Variants in CREB5 observed in about 807,000 individuals in gnomAD.
The protein encoded by CREB5 is cAMP responsive element binding protein 5.
In CREB5, 19 loss-of-function variants were observed where a neutral mutation model predicts 57.1. The ratio of observed to expected loss-of-function variants is 0.33; its 90% CI spans 0.23 to 0.49. The LOEUF (loss-of-function observed/expected upper bound fraction) is 0.49. CREB5 is among the 20% of genes least tolerant of loss of function. CREB5 has a pLI of 0.99. For synonymous variants in CREB5, 238 were observed against 238.3 expected, an observed-to-expected ratio of 1.00 and a Z score of 0.01; for missense variants, 579 against 671.6, an observed-to-expected ratio of 0.86 and a Z score of 1.52.
chr7:28,498,219 G>A (rs1425738076), intron 3 of CREB5, among the ~76,000 whole-genome samples: 1 of 151,910 alleles, frequency 6.6e-6, no homozygotes, highest in Non-Finnish European at 1.5e-5. Context: ...TAATATAGTA[G>A]CAACAATAAT....
intron 7 of CREB5, among the ~76,000 whole-genome samples, chr7:28,747,025 T>C (rs28405170): frequency 0.026 from 3,934 of 152,314 alleles, 67 homozygotes; most frequent in South Asian, 0.041. Flanking sequence ...AATATGGCTT[T>C]TCATACCTTA....
chr7:28,560,931 T>TGTGTGTGCATGC, intron 4 of CREB5, among the ~76,000 whole-genome samples: 1 of 48,532 alleles, frequency 2.1e-5, no homozygotes, highest in East Asian at 5.5e-4. Flanking sequence ...TGCGCGTGCG[T>TGTGTGTGCATGC]GTGTGCGTGC....
intron 5 of CREB5, among the ~76,000 whole-genome samples, chr7:28,635,728 C>G (rs1346657405): frequency 8.5e-5 from 13 of 152,172 alleles, no homozygotes; most frequent in Admixed American, 8.5e-4. Flanking sequence ...TGTTTCGGTT[C>G]CCCTAGGTCT....
intron 1 of CREB5, among the ~76,000 whole-genome samples, chr7:28,364,713 A>G (rs902467091): frequency 6.6e-6 from 1 of 152,166 alleles, no homozygotes; most frequent in African/African-American, 2.4e-5. Flanking sequence ...CTACCTTGCC[A>G]ATATTTGTCT....
chr7:28,327,013 G>C (rs1785620330), intron 1 of CREB5, among the ~76,000 whole-genome samples: 1 of 152,006 alleles, frequency 6.6e-6, no homozygotes, highest in Admixed American at 6.6e-5. Flanking sequence ...GCCGGGCGTG[G>C]TGGCAGATGC....
chr7:28,409,266 C>T (rs954926255), upstream of CREB5: 39 of 152,114 alleles, frequency 2.6e-4, no homozygotes, highest in African/African-American at 8.9e-4. This position sits in a 1 kb window ranked among gnomAD's most constrained non-coding sequence, Gnocchi z 4.4. Context: ...CTCCGTCCCT[C>T]CCCAGCGGAC....
intron 7 of CREB5, among the ~76,000 whole-genome samples, chr7:28,772,277 G>A (rs1412407319): frequency 6.6e-6 from 1 of 152,160 alleles, no homozygotes; most frequent in Non-Finnish European, 1.5e-5. Flanking sequence ...GAAAACCGCT[G>A]GAAGTTGGGG....
intron 5 of CREB5, among the ~76,000 whole-genome samples, chr7:28,669,226 T>C (rs113484945): frequency 1.1e-4 from 16 of 152,342 alleles, no homozygotes; most frequent in Middle Eastern, 3.4e-3. Flanking sequence ...AGTTTGGTTC[T>C]AGCCAAAACT....
chr7:28,688,707 C>T (rs1340970886), intron 5 of CREB5, among the ~76,000 whole-genome samples: 3 of 152,090 alleles, frequency 2.0e-5, no homozygotes, highest in Non-Finnish European at 2.9e-5. Flanking sequence ...AGCTCAATTG[C>T]GCACAGGGAA....
At chr7:28,473,436 T>C (rs1372856045) in intron 1 of CREB5, among the ~76,000 whole-genome samples, 2 of 152,222 alleles carry the variant, frequency 1.3e-5, no homozygotes, top group East Asian at 1.9e-4. Context: ...GGTCACTTTT[T>C]TGATTTCTGT....
intron 7 of CREB5, among the ~76,000 whole-genome samples, chr7:28,773,825 G>A (rs559548890): frequency 1.3e-5 from 2 of 152,328 alleles, no homozygotes; most frequent in African/African-American, 4.8e-5. Context: ...TAAATTCAGG[G>A]CTAATTTTTA....
intron 5 of CREB5, among the ~76,000 whole-genome samples, chr7:28,590,991 CAA>C (rs1327589540): frequency 6.6e-6 from 1 of 152,106 alleles, no homozygotes; most frequent in African/African-American, 2.4e-5. Context: ...TTCAGATTGC[CAA>C]AGTTAATTTT....
At chr7:28,422,664 A>G (rs1205472645) in intron 1 of CREB5, among the ~76,000 whole-genome samples, 1 of 152,198 alleles carries the variant, frequency 6.6e-6, no homozygotes, top group Non-Finnish European at 1.5e-5. Flanking sequence ...TTGAATGAAT[A>G]TGATCAGTTT....
At chr7:28,567,467 A>G (rs1053489252) in intron 4 of CREB5, among the ~76,000 whole-genome samples, 5 of 152,264 alleles carry the variant, frequency 3.3e-5, no homozygotes, top group Non-Finnish European at 7.3e-5. Context: ...ACTCTGATAT[A>G]TCAGGCACTA....
chr7:28,421,918 GTGTGTGTA>G (rs71536222), intron 1 of CREB5, among the ~76,000 whole-genome samples: 4 of 129,266 alleles, frequency 3.1e-5, no homozygotes, highest in Admixed American at 1.5e-4. Flanking sequence ...GAGTGTGTAT[GTGTGTGTA>G]TGTGTATATA....
chr7:28,389,323 A>T (rs1787167992), intron 1 of CREB5, among the ~76,000 whole-genome samples: 1 of 152,208 alleles, frequency 6.6e-6, no homozygotes, highest in Non-Finnish European at 1.5e-5. Context: ...AATAAGATGG[A>T]TTAGGAATTT....
chr7:28,645,220 T>C (rs1412084421), intron 5 of CREB5, among the ~76,000 whole-genome samples: 1 of 152,260 alleles, frequency 6.6e-6, no homozygotes, highest in South Asian at 2.1e-4. Flanking sequence ...CCCTGCAATC[T>C]GTGGGTCCCT....
chr7:28,736,182 G>A (rs1803968929), intron 7 of CREB5, among the ~76,000 whole-genome samples: 2 of 151,930 alleles, frequency 1.3e-5, no homozygotes, highest in East Asian at 1.9e-4. Flanking sequence ...GTTTTGTTTT[G>A]TTTTGAGACA....
At chr7:28,815,590 C>T (rs1356533538) in intron 9 of CREB5, among the ~76,000 whole-genome samples, 1 of 152,080 alleles carries the variant, frequency 6.6e-6, no homozygotes, top group Non-Finnish European at 1.5e-5. Flanking sequence ...TTGGGGCATG[C>T]CAAATATCAT....
Sources: allele counts gnomAD v4.1 joint callset (sites outside exome capture counted in the v4.1 genomes callset), GRCh38; gene constraint gnomAD v4.1.1; non-coding constraint Gnocchi (gnomAD v3.1); transcripts MANE v1.5; gene names NCBI Gene and HGNC (gene_info 2026-07-23, HGNC 2026-07-21).